Variants in CADPS observed in about 807,000 individuals in gnomAD.
CADPS encodes the protein calcium dependent secretion activator, also known as calcium-dependent secretion activator 1.
CADPS carries 57 observed loss-of-function variants against 167.3 expected under a neutral mutation model. The observed-to-expected ratio is 0.34, with a 90% CI of 0.28 to 0.42. CADPS has a LOEUF of 0.42. CADPS is among the 20% of genes least tolerant of loss of function. CADPS has a pLI of 1.00. For missense variants in CADPS, 1,414 were observed against 1,738.1 expected (o/e 0.81, Z 3.32); for synonymous variants, 676 against 635.3 (o/e 1.06, Z -0.96).
At chr3:62,807,629 T>G (rs2094170168) in intron 1 of CADPS, among the ~76,000 whole-genome samples, 1 of 152,178 alleles carries the variant, frequency 6.6e-6, no homozygotes, top group Non-Finnish European at 1.5e-5. Context: ...ATTTTTATTT[T>G]ATCAATTATT....
intron 21 of CADPS, among the ~76,000 whole-genome samples, chr3:62,485,721 A>C (rs567913227): frequency 8.3e-4 from 127 of 152,298 alleles, no homozygotes; most frequent in Non-Finnish European, 1.6e-3. Context: ...ACAAACATTT[A>C]TTGAGCACCT....
At position 62,867,316 on chromosome 3, in the gene CADPS, T is replaced by C. The variant is rs574382014; in HGVS notation, c.441+7273A>G. Among the ~76,000 whole-genome samples the C allele has an allele frequency of 2.7e-3, 417 of 152,138 alleles. 5 individuals are homozygous for C. The highest frequency in any genetic ancestry group is 9.4e-3 in the African/African-American group (390 of 41,554). Reference sequence around the variant, plus strand: ...CTCTGAGGATCCCATCATTTACCAATTGAGTGACCCAAGACCCCTTTATCT... The same window carrying C: ...CTCTGAGGATCCCATCATTTACCAACTGAGTGACCCAAGACCCCTTTATCT... On this transcript the variant is annotated intron_variant, in intron 1 of 29. Coordinates refer to ENST00000383710, the MANE Select transcript of CADPS (RefSeq NM_003716.4).
chr3:62,421,667 G>T lies in CADPS; in HGVS notation c.3777+16437C>A, dbSNP rs929605810. Among the ~76,000 whole-genome samples the T allele has an allele frequency of 6.6e-6, 1 of 152,212 alleles. No individual in the cohort carries two copies. Among genetic ancestry groups the T allele is most frequent in the Non-Finnish European group, 1.5e-5 (1 of 68,034 alleles). On this transcript the variant is annotated intron_variant, in intron 28 of 29. Coordinates refer to ENST00000383710, the MANE Select transcript of CADPS (RefSeq NM_003716.4). The surrounding 1 kb of genome is among the most constrained non-coding windows in gnomAD (Gnocchi z 4.7). ...ACGCTTCCCCCTTTTCCCCCCAAAG[G>T]AGGGGGAAGGGGGGACTTTGCCCAA...
chr3:62,752,662 T>A (rs2082952472), intron 3 of CADPS, among the ~76,000 whole-genome samples: 1 of 152,224 alleles, frequency 6.6e-6, no homozygotes, highest in African/African-American at 2.4e-5. Context: ...AGGAAGGTCC[T>A]TGTTTAAAAT....
At chr3:62,559,864 CCAAA>C (rs1231381708) in intron 9 of CADPS, among the ~76,000 whole-genome samples, 3 of 151,656 alleles carry the variant, frequency 2.0e-5, no homozygotes, top group Non-Finnish European at 2.9e-5. Flanking sequence ...ATGTGATTGG[CCAAA>C]CAGAGAGTTG....
intron 6 of CADPS, among the ~76,000 whole-genome samples, chr3:62,619,688 C>T (rs2062864922): frequency 6.6e-6 from 1 of 152,126 alleles, no homozygotes; most frequent in African/African-American, 2.4e-5. Flanking sequence ...AATTTTTGGC[C>T]TCAGTATGTC....
intron 1 of CADPS, among the ~76,000 whole-genome samples, chr3:62,816,296 C>T (rs2094608264): frequency 6.6e-6 from 1 of 152,054 alleles, no homozygotes; most frequent in African/African-American, 2.4e-5. Context: ...GAGGCAGTCC[C>T]CAAGGAATTG....
chr3:62,502,171 T>C (rs2065874163), intron 17 of CADPS, among the ~76,000 whole-genome samples: 1 of 152,246 alleles, frequency 6.6e-6, no homozygotes, highest in African/African-American at 2.4e-5. Context: ...GCTGTACTAC[T>C]AGCTAAATGG....
chr3:62,587,717 G>A (rs536607201), intron 7 of CADPS, among the ~76,000 whole-genome samples: 46 of 152,264 alleles, frequency 3.0e-4, no homozygotes, highest in African/African-American at 9.9e-4. Flanking sequence ...GTGTCCATTC[G>A]TGACGCAATA....
At chr3:62,804,722 T>C (rs955034488) in intron 1 of CADPS, among the ~76,000 whole-genome samples, 1 of 152,150 alleles carries the variant, frequency 6.6e-6, no homozygotes, top group Non-Finnish European at 1.5e-5. Context: ...TGCTTTAATA[T>C]TGGGAGGCTG....
chr3:62,559,820 C>T (rs899193602), intron 9 of CADPS, among the ~76,000 whole-genome samples: 1 of 151,966 alleles, frequency 6.6e-6, no homozygotes, highest in African/African-American at 2.4e-5. Context: ...TGGCATTTCT[C>T]ATCTGACAAC....
chr3:62,403,771 A>T (rs1322072583), intron 28 of CADPS: 2 of 152,226 alleles, frequency 1.3e-5, no homozygotes, highest in Middle Eastern at 3.4e-3. Flanking sequence ...GCCAAACTGT[A>T]CTCTGGGCAG....
At chr3:62,630,810 G>A (rs913130940) in intron 6 of CADPS, among the ~76,000 whole-genome samples, 2 of 152,110 alleles carry the variant, frequency 1.3e-5, no homozygotes, top group Non-Finnish European at 2.9e-5. Flanking sequence ...AGTTTTGTGT[G>A]ATTTACTCCC....
intron 28 of CADPS, among the ~76,000 whole-genome samples, chr3:62,435,705 G>A (rs1218846548): frequency 6.6e-6 from 1 of 151,944 alleles, no homozygotes; most frequent in Non-Finnish European, 1.5e-5. Context: ...GATGTGCAGT[G>A]AGTGATTGTA....
chr3:62,421,172 C>T lies in CADPS; in HGVS notation c.3777+16932G>A, dbSNP rs994363263. On this transcript the variant is annotated intron_variant, in intron 28 of 29. Transcript: ENST00000383710. This position sits in a 1 kb window ranked among gnomAD's most constrained non-coding sequence, Gnocchi z 4.7. ...ATCATAAATTAGCCATGAGTTAATACGTGAGGCCCGGATCACTCTGCCTTG... is the reference window on the plus strand; with the variant it reads ...ATCATAAATTAGCCATGAGTTAATATGTGAGGCCCGGATCACTCTGCCTTG... 8.5e-5 allele frequency among the ~76,000 whole-genome samples: 13 copies of T among 152,240 alleles called. No individual in the cohort carries two copies. Among genetic ancestry groups the T allele is most frequent in the South Asian group, 4.1e-4 (2 of 4,822 alleles).
At chr3:62,777,268 C>T (rs373728464) in intron 1 of CADPS, among the ~76,000 whole-genome samples, 31 of 152,270 alleles carry the variant, frequency 2.0e-4, no homozygotes, top group East Asian at 1.7e-3. Flanking sequence ...GCTAATGTAA[C>T]ATTCACAAAC....
At chr3:62,750,680 T>G (rs2082502709) in intron 3 of CADPS, among the ~76,000 whole-genome samples, 1 of 152,198 alleles carries the variant, frequency 6.6e-6, no homozygotes, top group Non-Finnish European at 1.5e-5. Context: ...AACATTTTGT[T>G]CTTTGCCTGT....
intron 6 of CADPS, among the ~76,000 whole-genome samples, chr3:62,619,991 G>C (rs2062917157): frequency 6.6e-6 from 1 of 152,104 alleles, no homozygotes; most frequent in Non-Finnish European, 1.5e-5. Flanking sequence ...ATGCTTGGTA[G>C]TAGAAAGACT....
chr3:62,579,287 C>A (rs2082921688), intron 8 of CADPS, among the ~76,000 whole-genome samples: 1 of 152,092 alleles, frequency 6.6e-6, no homozygotes, highest in African/African-American at 2.4e-5. Context: ...CTTTAAGCTC[C>A]AATTTCTCTA....
Sources: gnomAD v4.1 joint callset for allele counts (sites outside exome capture counted in the v4.1 genomes callset) on GRCh38, gnomAD v4.1.1 for gene constraint, Gnocchi (gnomAD v3.1) non-coding constraint, MANE v1.5 for transcripts, NCBI Gene and HGNC (gene_info 2026-07-23, HGNC 2026-07-21) for gene names.